The following NBPF15 variants were observed in gnomAD, a reference collection of about 807,000 sequenced individuals.
NBPF15 encodes the protein NBPF family member NBPF15.
In NBPF15, 74 loss-of-function variants were observed where a neutral mutation model predicts 62.2. The observed-to-expected ratio is 1.19, with a 90% CI of 0.99 to 1.44. The LOEUF (loss-of-function observed/expected upper bound fraction) is 1.44, where lower values mean the gene tolerates loss of function less well. Ranked by LOEUF, NBPF15 falls within the 40% of genes most tolerant of loss-of-function variation. The pLI is 0.00. For missense variants in NBPF15, 790 were observed against 550.0 expected (o/e 1.44, Z -4.36); for synonymous variants, 244 against 209.7 (o/e 1.16, Z -1.41).
intron 13 of NBPF15, among the ~76,000 whole-genome samples, chr1:144,432,287 T>C (rs1316673692): frequency 1.3e-5 from 2 of 151,512 alleles, no homozygotes; most frequent in African/African-American, 2.4e-5. Context: ...CAGGCCTGCC[T>C]TACAAGAGCT....
intron 10 of NBPF15, among the ~76,000 whole-genome samples, 173 bp downstream of exon 10, chr1:144,436,722 A>T (rs1216105383): frequency 2.0e-5 from 3 of 151,876 alleles, no homozygotes; most frequent in Non-Finnish European, 2.9e-5. Context: ...GTGACCTCCA[A>T]CCCCATGGGT....
intron 15 of NBPF15, among the ~76,000 whole-genome samples, chr1:144,428,227 G>A (rs75500227): frequency 6.6e-6 from 1 of 150,988 alleles, no homozygotes; most frequent in African/African-American, 2.5e-5. Flanking sequence ...CGAGCTCAGT[G>A]AATTGGTCAG....
At position 144,435,355 on chromosome 1, in the gene NBPF15, A is replaced by G; in HGVS notation, c.567-39T>C. Reference sequence around the variant, plus strand: ...TGGGACAGAGATGACAGAAGATTAAACACAGAGGGATTGGACCCCAGGGAG... The same window carrying G: ...TGGGACAGAGATGACAGAAGATTAAGCACAGAGGGATTGGACCCCAGGGAG... On this transcript the variant is annotated intron_variant, in intron 11 of 21. Transcript: ENST00000581897. 2.9e-6 allele frequency: 4 copies of G among 1,390,428 alleles called. No homozygotes were observed. The Admixed American group carries it at 5.3e-5, about 18-fold the overall frequency. The allele number at this position is 1,390,428 out of a possible 1,614,324, so 86.1% of individuals were successfully genotyped here. A position where few individuals can be genotyped will look rare whatever the true frequency, so the allele number is the denominator to read the frequency against.
At chr1:144,438,971 A>T (rs1465725716) in intron 8 of NBPF15, among the ~76,000 whole-genome samples, 2 of 151,264 alleles carry the variant, frequency 1.3e-5, no homozygotes, top group African/African-American at 4.9e-5. Flanking sequence ...TTTTATTCTT[A>T]TTTTTATTTA....
At position 144,423,864 on chromosome 1, in the gene NBPF15, A is replaced by G; in HGVS notation, c.1769+6T>C. On this transcript the variant is annotated splice_donor_region_variant and intron_variant, in intron 21 of 21. Coordinates refer to ENST00000581897, the MANE Select transcript of NBPF15 (RefSeq NM_001385408.1). ...GAATTAAGCATCCACAATTGCTGAA[A>G]GTTACCTGGGGCATGGTGGGTTGTC... 1 of 767,238 alleles carries G rather than the reference A, an allele frequency of 1.3e-6. No individual in the cohort carries two copies. Among genetic ancestry groups the G allele is most frequent in the South Asian group, 1.3e-5 (1 of 74,566 alleles). The allele number at this position is 767,238 out of a possible 1,614,324, so 47.5% of individuals were successfully genotyped here.
rs1390668281 is a variant in NBPF15 at position 144,429,467 on chromosome 1, G to A, written c.988+233C>T. Among the ~76,000 whole-genome samples, 3 of 151,010 alleles carry A rather than the reference G, an allele frequency of 2.0e-5. No homozygotes were observed. The East Asian group carries it at 5.8e-4, about 29-fold the overall frequency. On this transcript the variant is annotated intron_variant, in intron 14 of 21. Coordinates refer to ENST00000581897, the MANE Select transcript of NBPF15 (RefSeq NM_001385408.1). ...CTTGAGTTCAATGTCGTGACAGTCA[G>A]TCCAGGTTGGCACGGGCATGGCCTG...
intron 6 of NBPF15, among the ~76,000 whole-genome samples, chr1:144,445,691 G>C (rs1229939958): frequency 6.6e-6 from 1 of 151,138 alleles, no homozygotes; most frequent in Non-Finnish European, 1.5e-5. Context: ...AATTGCATTG[G>C]ATCTGGAGAT....
At position 144,435,214 on chromosome 1, in the gene NBPF15, T is replaced by G. The variant is rs1237666887; in HGVS notation, c.669A>C (p.Pro223=). Reference sequence around the variant, plus strand: ...CAAATGTGATTTTGGTTTTCTTATGTGGCTGGTTGGAGTCATAAGGGCCAT... The same window carrying G: ...CAAATGTGATTTTGGTTTTCTTATGGGGCTGGTTGGAGTCATAAGGGCCAT... ...NSHGPYDSNQ[P]HKKTKITFEE... is the part of the protein sequence containing the mutation. Residue 223 remains proline (P), a synonymous_variant, in exon 12 of 22, where the codon CCA becomes CCC. Transcript: ENST00000581897. The G allele has an allele frequency of 3.1e-6, 5 of 1,612,932 alleles. No homozygotes were observed. In the African/African-American group the frequency reaches 5.3e-5, roughly 17 times the overall value.
intron 6 of NBPF15, among the ~76,000 whole-genome samples, chr1:144,445,246 GTGTGTT>G (rs1686492108): frequency 7.6e-6 from 1 of 131,346 alleles, no homozygotes; most frequent in African/African-American, 2.9e-5. Flanking sequence ...ATGTGTGTGT[GTGTGTT>G]TGTGTGTGTC....
In NBPF15 at chr1:144,423,885, T is replaced by A; in HGVS notation, c.1754A>T (p.Asn585Ile). 1.3e-6 allele frequency: 1 copy of A among 779,592 alleles called. No homozygotes were observed. The highest frequency in any genetic ancestry group is 2.3e-6 in the Non-Finnish European group (1 of 431,166). 48.3% of individuals were successfully genotyped at this position (779,592 alleles called of 1,614,324 possible). Residue 585 changes from asparagine (N) to isoleucine (I), a missense_variant, in exon 21 of 22, where the codon AAC becomes ATC. Coordinates refer to ENST00000581897, the MANE Select transcript of NBPF15 (RefSeq NM_001385408.1). ...TGAAAGTTACCTGGGGCATGGTGGG[T>A]TGTCATCTTCCCCTTCTTTTCTTCC... is the stretch of plus-strand genomic sequence containing the variant. Reference protein sequence around the residue: ...RRGRKEGEDDNPPCPRLYGVL... With the variant: ...RRGRKEGEDDIPPCPRLYGVL...
chr1:144,428,204 C>CACACACACACAG, intron 15 of NBPF15, among the ~76,000 whole-genome samples: 1 of 151,594 alleles, frequency 6.6e-6, no homozygotes, highest in African/African-American at 2.4e-5. Context: ...CACACACACA[C>CACACACACACAG]ACACACACAG....
At chr1:144,448,635 ACAT>A (rs1337691956) in intron 6 of NBPF15, 137 bp downstream of exon 6, 7 of 389,840 alleles carry the variant, frequency 1.8e-5, no homozygotes, top group African/African-American at 1.0e-4. Context: ...TGAACAAGGG[ACAT>A]CATCATTTAA....
chr1:144,442,707 C>G (rs1157949538), intron 6 of NBPF15: 3 of 173,088 alleles, frequency 1.7e-5, no homozygotes, highest in Middle Eastern at 1.3e-3. Flanking sequence ...AAACCTTCCT[C>G]AACATCACGC....
intron 14 of NBPF15, among the ~76,000 whole-genome samples, chr1:144,428,888 G>T (rs1672053755): frequency 6.6e-6 from 1 of 151,944 alleles, no homozygotes; most frequent in South Asian, 2.1e-4. Flanking sequence ...TCTTCCCTAT[G>T]TGCTCTGTCC....
intron 1 of NBPF15, among the ~76,000 whole-genome samples, chr1:144,461,175 C>T (rs1346564874): frequency 1.3e-5 from 2 of 151,978 alleles, no homozygotes; most frequent in Admixed American, 1.3e-4. Context: ...ACAGAACACC[C>T]GCCAGCGAGT....
chr1:144,443,417 G>T (rs1227722702), intron 6 of NBPF15, among the ~76,000 whole-genome samples: 3 of 151,614 alleles, frequency 2.0e-5, no homozygotes, highest in Non-Finnish European at 4.4e-5. Flanking sequence ...GCTTCTTCAA[G>T]ACCGACTTGC....
chr1:144,436,329 G>T (rs587759877), intron 10 of NBPF15, among the ~76,000 whole-genome samples: 6 of 152,090 alleles, frequency 3.9e-5, no homozygotes, highest in Admixed American at 3.9e-4. Context: ...CATGGGGAGT[G>T]CTCCAGTCTG....
intron 6 of NBPF15, among the ~76,000 whole-genome samples, chr1:144,447,522 A>T (rs1358441813): frequency 6.6e-6 from 1 of 151,844 alleles, no homozygotes; most frequent in Admixed American, 6.6e-5. Context: ...GTGTGCACAC[A>T]GGGGAGCCAG....
intron 4 of NBPF15, 121 bp from the exon 5 acceptor site, chr1:144,450,991 A>G (rs1379084303): frequency 6.6e-6 from 1 of 152,382 alleles, no homozygotes; most frequent in Non-Finnish European, 1.5e-5. Context: ...AGTACAGAGA[A>G]AGAAAAATGG....
Sources: gnomAD v4.1 joint callset for allele counts (sites outside exome capture counted in the v4.1 genomes callset) on GRCh38, gnomAD v4.1.1 for gene constraint, MANE v1.5 for transcripts, NCBI Gene and HGNC (gene_info 2026-07-23, HGNC 2026-07-21) for gene names.